Variants in CACNA2D3 observed in about 807,000 individuals in gnomAD.
CACNA2D3 encodes voltage-dependent calcium channel subunit alpha-2/delta-3.
CACNA2D3 carries 60 observed loss-of-function variants against 160.6 expected under a neutral mutation model. That is an observed-to-expected ratio of 0.37 (90% CI 0.30 to 0.46). The LOEUF (loss-of-function observed/expected upper bound fraction) is 0.46, where lower values mean the gene tolerates loss of function less well. CACNA2D3 is among the 20% of genes least tolerant of loss of function. The pLI is 1.00. For missense variants in CACNA2D3, 1,205 were observed against 1,365.0 expected, an observed-to-expected ratio of 0.88 and a Z score of 1.85; for synonymous variants, 558 against 492.9, an observed-to-expected ratio of 1.13 and a Z score of -1.75.
chr3:54,997,721 C>G (rs1346861119), intron 31 of CACNA2D3, among the ~76,000 whole-genome samples: 2 of 152,120 alleles, frequency 1.3e-5, no homozygotes, highest in African/African-American at 4.8e-5. Context: ...TACCCCATCT[C>G]AAAAGAGAAA....
chr3:54,645,907 G>T (rs1699624911), intron 11 of CACNA2D3, among the ~76,000 whole-genome samples: 2 of 152,192 alleles, frequency 1.3e-5, no homozygotes, highest in African/African-American at 2.4e-5. Flanking sequence ...CTGCCAAGAA[G>T]TGTGGTGTAG....
At chr3:54,157,580 G>A (rs544448158) in intron 2 of CACNA2D3, among the ~76,000 whole-genome samples, 2 of 152,160 alleles carry the variant, frequency 1.3e-5, no homozygotes, top group East Asian at 1.9e-4. Flanking sequence ...CCCTGAGGTC[G>A]GGAGTTCGAG....
intron 2 of CACNA2D3, among the ~76,000 whole-genome samples, chr3:54,135,298 G>A (rs138096338): frequency 7.2e-5 from 11 of 152,314 alleles, no homozygotes; most frequent in African/African-American, 9.6e-5. Flanking sequence ...TCCACAGAAC[G>A]TTCCTTGGGT....
intron 3 of CACNA2D3, among the ~76,000 whole-genome samples, chr3:54,349,335 C>T (rs1698512334): frequency 6.6e-6 from 1 of 152,148 alleles, no homozygotes; most frequent in Admixed American, 6.5e-5. Context: ...ACCATTGGTT[C>T]TGAACGTTGC....
chr3:54,447,675 C>A (rs1700244145), intron 4 of CACNA2D3, among the ~76,000 whole-genome samples: 1 of 152,190 alleles, frequency 6.6e-6, no homozygotes, highest in Non-Finnish European at 1.5e-5. Flanking sequence ...GCCACAGTTA[C>A]ACGTCAAAGC....
intron 29 of CACNA2D3, among the ~76,000 whole-genome samples, chr3:54,981,680 G>A (rs1431199566): frequency 6.6e-6 from 1 of 152,184 alleles, no homozygotes; most frequent in Non-Finnish European, 1.5e-5. Context: ...CCACAGCCCT[G>A]GGAGCCAAGC....
intron 13 of CACNA2D3, among the ~76,000 whole-genome samples, chr3:54,768,724 C>G (rs72874221): frequency 0.017 from 2,607 of 152,158 alleles, 74 homozygotes; most frequent in African/African-American, 0.06. Context: ...CTTGGTATGC[C>G]AAGATGACAG....
intron 11 of CACNA2D3, among the ~76,000 whole-genome samples, chr3:54,731,784 G>T (rs1345263222): frequency 1.3e-5 from 2 of 152,024 alleles, no homozygotes; most frequent in African/African-American, 4.8e-5. Flanking sequence ...GATTTTAAAT[G>T]AGGCATGACT....
At chr3:54,232,182 C>T (rs867748491) in intron 2 of CACNA2D3, among the ~76,000 whole-genome samples, 4 of 152,172 alleles carry the variant, frequency 2.6e-5, no homozygotes, top group African/African-American at 9.7e-5. Context: ...TCAAACAGAT[C>T]GAGCATTCCA....
chr3:54,469,961 T>A (rs1700700209), intron 4 of CACNA2D3, among the ~76,000 whole-genome samples: 2 of 152,198 alleles, frequency 1.3e-5, no homozygotes, highest in Non-Finnish European at 2.9e-5. Context: ...TTGACTGATG[T>A]ACCTGAAAGT....
chr3:54,447,863 G>A (rs185515978), intron 4 of CACNA2D3, among the ~76,000 whole-genome samples: 2 of 152,242 alleles, frequency 1.3e-5, no homozygotes, highest in East Asian at 1.9e-4. Context: ...CTTGTCCTTT[G>A]TCTTGGTAAT....
intron 8 of CACNA2D3, among the ~76,000 whole-genome samples, chr3:54,576,420 C>G (rs1043355031): frequency 1.5e-4 from 23 of 152,180 alleles, no homozygotes; most frequent in African/African-American, 5.5e-4. Context: ...TCTGGCCCTT[C>G]ATTTAATCAA....
At chr3:54,927,092 G>A (rs1701043862) in intron 27 of CACNA2D3, among the ~76,000 whole-genome samples, 1 of 152,180 alleles carries the variant, frequency 6.6e-6, no homozygotes, top group Admixed American at 6.5e-5. Context: ...TACTCAAAGT[G>A]GAAGCTCTTG....
In CACNA2D3 at chr3:54,793,254, G is replaced by T. The variant is rs146496425; in HGVS notation, c.1381-23599G>T. 4.3e-4 allele frequency among the ~76,000 whole-genome samples: 65 copies of T among 152,306 alleles called. 1 individual carries two copies. In the East Asian group the frequency reaches 0.012, roughly 29 times the overall value. ...TTCCTGTCGTCGTAAATACTTGTTG[G>T]TTTACCACCCGATATCTCCTGTGAG... On this transcript the variant is annotated intron_variant, in intron 13 of 37. Transcript: ENST00000474759.
chr3:54,455,601 T>G (rs1246228196), intron 4 of CACNA2D3, among the ~76,000 whole-genome samples: 1 of 152,176 alleles, frequency 6.6e-6, no homozygotes, highest in Non-Finnish European at 1.5e-5. Flanking sequence ...TGTCTATTTT[T>G]GCTTCTGTTG....
At chr3:54,780,237 G>A (rs1324276092) in intron 13 of CACNA2D3, among the ~76,000 whole-genome samples, 1 of 152,218 alleles carries the variant, frequency 6.6e-6, no homozygotes, top group Non-Finnish European at 1.5e-5. Context: ...GAATGATCAA[G>A]TTTAGGTCTG....
At chr3:54,921,703 G>A (rs1296113921) in intron 27 of CACNA2D3, among the ~76,000 whole-genome samples, 2 of 152,108 alleles carry the variant, frequency 1.3e-5, no homozygotes, top group Non-Finnish European at 2.9e-5. Context: ...TGACCTTAGA[G>A]GCCACGTGAT....
Position 54,742,054 on chromosome 3 carries a change from A to T in CACNA2D3, c.1168-10545A>T, listed in dbSNP as rs186567670. ...GCTAATTTTTATATTTTTCGTAGAG[A>T]TGAGGTCTTGCCATGTTGCCCAGGC... On this transcript the variant is annotated intron_variant, in intron 11 of 37. Coordinates refer to ENST00000474759, the MANE Select transcript of CACNA2D3 (RefSeq NM_018398.3). 5.7e-4 allele frequency among the ~76,000 whole-genome samples: 86 copies of T among 152,078 alleles called. No homozygotes were observed. In the East Asian group the frequency reaches 9.9e-3, roughly 18 times the overall value.
chr3:54,827,350 G>A (rs954925790), intron 14 of CACNA2D3, among the ~76,000 whole-genome samples: 2 of 152,256 alleles, frequency 1.3e-5, no homozygotes, highest in Non-Finnish European at 2.9e-5. Flanking sequence ...TTTGGCAATG[G>A]ATATGGAAAG....
Sources: gnomAD v4.1 joint callset for allele counts (sites outside exome capture counted in the v4.1 genomes callset) on GRCh38, gnomAD v4.1.1 for gene constraint, MANE v1.5 for transcripts, NCBI Gene and HGNC (gene_info 2026-07-23, HGNC 2026-07-21) for gene names.